The following SEMA5A variants were observed in gnomAD, a reference collection of about 807,000 sequenced individuals.
SEMA5A encodes the protein semaphorin 5A.
Under a neutral mutation model 135.5 loss-of-function variants are expected in SEMA5A, and 55 were observed. The ratio of observed to expected loss-of-function variants is 0.41; its 90% CI spans 0.33 to 0.51. The LOEUF is 0.51. Ranked by LOEUF, SEMA5A falls within the 20% of genes least tolerant of loss-of-function variation. SEMA5A has a pLI of 0.37. For synonymous variants in SEMA5A, 580 were observed against 546.5 expected (o/e 1.06, Z -0.85); for missense variants, 1,290 against 1,419.9 (o/e 0.91, Z 1.47).
chr5:9,090,964 C>A (rs1738999980), intron 16 of SEMA5A, among the ~76,000 whole-genome samples: 1 of 152,162 alleles, frequency 6.6e-6, no homozygotes, highest in Non-Finnish European at 1.5e-5. Flanking sequence ...CTTGTAAAAC[C>A]TCCTTTGGTA....
intron 2 of SEMA5A, among the ~76,000 whole-genome samples, chr5:9,384,015 A>C (rs2126496545): frequency 6.6e-6 from 1 of 152,348 alleles, no homozygotes; most frequent in Admixed American, 6.5e-5. Flanking sequence ...TTAGGAAAGA[A>C]CATTTAATGA....
chr5:9,190,684 C>T (rs753476164), intron 10 of SEMA5A, among the ~76,000 whole-genome samples: 2 of 152,024 alleles, frequency 1.3e-5, no homozygotes, highest in Non-Finnish European at 2.9e-5. Context: ...GGGAGTCTCC[C>T]AACATCATCA....
intron 16 of SEMA5A, among the ~76,000 whole-genome samples, chr5:9,084,521 T>TAAA (rs1342413039): frequency 6.6e-6 from 1 of 152,164 alleles, no homozygotes; most frequent in Admixed American, 6.5e-5. Flanking sequence ...TCTCATGAGA[T>TAAA]AAAATGGTTT....
At chr5:9,105,863 T>C (rs1284052014) in intron 16 of SEMA5A, among the ~76,000 whole-genome samples, 2 of 152,238 alleles carry the variant, frequency 1.3e-5, no homozygotes. Context: ...AGCTAGAATA[T>C]GAAGACCAAA....
Position 9,044,481 on chromosome 5 carries a change from T to C in SEMA5A, c.2997A>G (p.Gln999=). 6.2e-7 allele frequency: 1 copy of C among 1,613,974 alleles called. No individual in the cohort carries two copies. The highest frequency in any genetic ancestry group is 8.5e-7 in the Non-Finnish European group (1 of 1,179,988). ...VYTYCQRYQQ[Q]SHDATVIHPV... ...GGTGGATGACAGTCGCATCGTGGGA[T>C]TGCTGCTGGTACCGCTGGCAGTAAG... Residue 999 remains glutamine (Q), a synonymous_variant, in exon 22 of 23, where the codon CAA becomes CAG. Coordinates refer to ENST00000382496, the MANE Select transcript of SEMA5A (RefSeq NM_003966.3).
At chr5:9,114,740 C>A (rs1474042494) in intron 15 of SEMA5A, among the ~76,000 whole-genome samples, 2 of 152,082 alleles carry the variant, frequency 1.3e-5, no homozygotes, top group East Asian at 3.8e-4. Context: ...ACTAAAAGAA[C>A]AGGAACTGGA....
chr5:9,407,930 C>A (rs928132784), intron 2 of SEMA5A, among the ~76,000 whole-genome samples: 1 of 151,852 alleles, frequency 6.6e-6, no homozygotes, highest in Non-Finnish European at 1.5e-5. Flanking sequence ...ACCATGACCA[C>A]CATCATCATT....
At chr5:9,330,798 C>T (rs1286715090) in intron 4 of SEMA5A, among the ~76,000 whole-genome samples, 1 of 152,040 alleles carries the variant, frequency 6.6e-6, no homozygotes, top group Non-Finnish European at 1.5e-5. Flanking sequence ...AGGGGCCAGC[C>T]CTGAGAAGGA....
intron 15 of SEMA5A, among the ~76,000 whole-genome samples, chr5:9,111,035 ATG>A (rs1740212828): frequency 6.6e-6 from 1 of 152,236 alleles, no homozygotes; most frequent in Non-Finnish European, 1.5e-5. Flanking sequence ...TAAAATTAAT[ATG>A]TGTGTTGGTT....
At chr5:9,182,118 A>T (rs186616886) in intron 11 of SEMA5A, among the ~76,000 whole-genome samples, 130 of 150,424 alleles carry the variant, frequency 8.6e-4, no homozygotes, top group African/African-American at 3.1e-3. Flanking sequence ...CCTATTTAAC[A>T]TTTAATGCAA....
chr5:9,186,247 G>C (rs1303087011), intron 11 of SEMA5A, among the ~76,000 whole-genome samples: 1 of 152,208 alleles, frequency 6.6e-6, no homozygotes, highest in Non-Finnish European at 1.5e-5. Flanking sequence ...GACCCAGAAT[G>C]TATCTGGGGA....
intron 11 of SEMA5A, among the ~76,000 whole-genome samples, chr5:9,158,226 G>T (rs146112362): frequency 6.6e-6 from 1 of 152,140 alleles, no homozygotes; most frequent in Non-Finnish European, 1.5e-5. Context: ...TCTCTAGCAG[G>T]AGTTATGATA....
intron 8 of SEMA5A, among the ~76,000 whole-genome samples, chr5:9,206,874 T>C (rs1298068735): frequency 6.6e-6 from 1 of 151,070 alleles, no homozygotes; most frequent in Non-Finnish European, 1.5e-5. Flanking sequence ...CAGACCTAGT[T>C]TGCAAAGCTG....
chr5:9,450,758 A>C (rs1376583730), intron 1 of SEMA5A, among the ~76,000 whole-genome samples: 1 of 141,616 alleles, frequency 7.1e-6, no homozygotes, highest in Non-Finnish European at 1.5e-5. Flanking sequence ...TACCACATCA[A>C]AAAAAAAAAA....
At chr5:9,076,868 T>TTGTGAGTGTGTGTGTG (rs1738089598) in intron 16 of SEMA5A, among the ~76,000 whole-genome samples, 3 of 144,006 alleles carry the variant, frequency 2.1e-5, no homozygotes, top group African/African-American at 7.6e-5. Flanking sequence ...ATTACGATCT[T>TTGTGAGTGTGTGTGTG]TGTGTGTGTG....
intron 8 of SEMA5A, among the ~76,000 whole-genome samples, chr5:9,212,444 T>C (rs1178431534): frequency 6.6e-6 from 1 of 152,230 alleles, no homozygotes; most frequent in Non-Finnish European, 1.5e-5. Flanking sequence ...CTTTGAAATA[T>C]ATTCATTACC....
chr5:9,450,307 A>G (rs1180276965), intron 1 of SEMA5A, among the ~76,000 whole-genome samples: 1 of 152,232 alleles, frequency 6.6e-6, no homozygotes, highest in Non-Finnish European at 1.5e-5. Flanking sequence ...TATAAACATT[A>G]TCTTTGTAAA....
At chr5:9,048,550 G>A (rs1270298284) in intron 21 of SEMA5A, among the ~76,000 whole-genome samples, 1 of 152,144 alleles carries the variant, frequency 6.6e-6, no homozygotes, top group African/African-American at 2.4e-5. Flanking sequence ...GCACTGTTAA[G>A]GAGATTGGTT....
At chr5:9,276,640 G>T (rs1287783792) in intron 5 of SEMA5A, among the ~76,000 whole-genome samples, 2 of 151,952 alleles carry the variant, frequency 1.3e-5, no homozygotes, top group Admixed American at 6.6e-5. Flanking sequence ...CAGAACAAAG[G>T]CCTCAGAAAT....
Sources: allele counts gnomAD v4.1 joint callset (sites outside exome capture counted in the v4.1 genomes callset), GRCh38; gene constraint gnomAD v4.1.1; transcripts MANE v1.5; gene names NCBI Gene and HGNC (gene_info 2026-07-23, HGNC 2026-07-21).